Variants in PNPLA7 observed in about 807,000 individuals in gnomAD.
PNPLA7 encodes the protein patatin like domain 7, lysophospholipase, also known as patatin-like phospholipase domain-containing protein 7.
Under a neutral mutation model 161.7 loss-of-function variants are expected in PNPLA7, and 153 were observed. The ratio of observed to expected loss-of-function variants is 0.95; its 90% CI spans 0.83 to 1.08. The LOEUF (loss-of-function observed/expected upper bound fraction) is 1.08, where lower values mean the gene tolerates loss of function less well. Ranked by LOEUF, PNPLA7 falls within the 50% of genes least tolerant of loss-of-function variation. PNPLA7 has a pLI of 0.00. For missense variants in PNPLA7, 1,739 were observed against 1,856.6 expected (o/e 0.94, Z 1.16); for synonymous variants, 809 against 782.1 (o/e 1.03, Z -0.57).
Position 137,515,435 on chromosome 9 carries a change from A to G in PNPLA7, c.1169T>C (p.Ile390Thr). The part of the protein sequence containing the change: ...SVPAPSIRKQ[I>T]LEELEKPGAG... Reference sequence around the variant, plus strand: ...CCCGGGCTTCTCCAGCTCCTCCAAGATCTGTTTGCGAATGGAAGGCGCGGG... The same window carrying G: ...CCCGGGCTTCTCCAGCTCCTCCAAGGTCTGTTTGCGAATGGAAGGCGCGGG... The change falls in exon 12 of 35, where the codon ATC (isoleucine) becomes ACC (threonine). Residue 390 changes from isoleucine to threonine, a missense_variant. Physicochemically the swap from Ile to Thr is moderately conservative, Grantham distance 89 (BLOSUM62 -1). This residue lies in a region of PNPLA7 where 481 missense variants were observed against 450.0 expected (regional missense o/e 1.07). Coordinates refer to ENST00000406427, the MANE Select transcript of PNPLA7 (RefSeq NM_001098537.3). 6.2e-7 allele frequency: 1 copy of G among 1,603,340 alleles called. No individual in the cohort carries two copies.
intron 21 of PNPLA7, among the ~76,000 whole-genome samples, chr9:137,483,557 C>T (rs780453360): frequency 5.3e-5 from 8 of 151,928 alleles, no homozygotes; most frequent in Admixed American, 1.3e-4. Context: ...TGGGTTCAAG[C>T]GATTCTCCTG....
chr9:137,478,676 G>A (rs1169107676), intron 24 of PNPLA7: 1 of 191,966 alleles, frequency 5.2e-6, no homozygotes, highest in African/African-American at 2.3e-5. Flanking sequence ...TCAGCTGGAT[G>A]TGGGGGCCTC....
At position 137,541,843 on chromosome 9, in the gene PNPLA7, G is replaced by A. The variant is rs770640399; in HGVS notation, c.666+799C>T. ...GTCGCCCAGGCTGGAGTGCAGTGGC[G>A]TGAACACAGCTCACTATAGCCGCAA... On this transcript the variant is annotated intron_variant, in intron 7 of 34. Coordinates refer to ENST00000406427, the MANE Select transcript of PNPLA7 (RefSeq NM_001098537.3). The surrounding 1 kb of genome is among the most constrained non-coding windows in gnomAD (Gnocchi z 4.4). 2.0e-5 allele frequency among the ~76,000 whole-genome samples: 3 copies of A among 151,812 alleles called. No individual in the cohort carries two copies. The highest frequency in any genetic ancestry group is 2.9e-5 in the Non-Finnish European group (2 of 67,976).
At chr9:137,546,996 T>C in intron 3 of PNPLA7, 87 bp from the exon 4 acceptor site, 1 of 1,293,966 alleles carries the variant, frequency 7.7e-7, no homozygotes, top group South Asian at 1.2e-5. Flanking sequence ...TCAGTCATAC[T>C]CTCGTCCCTG....
At chr9:137,534,851 A>G (rs779657107) in intron 8 of PNPLA7, among the ~76,000 whole-genome samples, 1 of 152,060 alleles carries the variant, frequency 6.6e-6, no homozygotes, top group Non-Finnish European at 1.5e-5. Flanking sequence ...GGCAACCACT[A>G]ATGAGACCTT....
intron 16 of PNPLA7, 34 bp from the exon 17 acceptor site, chr9:137,498,279 C>G: frequency 6.2e-7 from 1 of 1,603,804 alleles, no homozygotes; most frequent in Non-Finnish European, 8.5e-7. Flanking sequence ...CCTGCCCCAT[C>G]CCTCCAACCC....
chr9:137,508,113 A>C (rs1038431777), intron 12 of PNPLA7, among the ~76,000 whole-genome samples: 5 of 151,536 alleles, frequency 3.3e-5, no homozygotes, highest in Admixed American at 2.6e-4. Flanking sequence ...GGATCACTTG[A>C]GCCCTCATGG....
chr9:137,484,457 C>G (rs1832365258), intron 21 of PNPLA7, 130 bp downstream of exon 21: 3 of 1,048,108 alleles, frequency 2.9e-6, no homozygotes, highest in Non-Finnish European at 3.9e-6. Context: ...GAAACACTAC[C>G]GAACACTGAC....
intron 8 of PNPLA7, among the ~76,000 whole-genome samples, chr9:137,528,454 G>C (rs889238015): frequency 6.6e-6 from 1 of 151,590 alleles, no homozygotes; most frequent in African/African-American, 2.4e-5. Flanking sequence ...GATAATTTTT[G>C]TATTTTTAGT....
rs1313142240 is a variant in PNPLA7, at chr9:137,495,143, C to G, written c.2017G>C (p.Glu673Gln). ...YGRGDLVGVV[E>Q]TLTHQARATT... ...GCCCGGGCCTGGTGGGTCAGTGTCT[C>G]CACCTGAGGACAGGAGCCGGCTGCT... Residue 673 changes from glutamate (E) to glutamine (Q), a missense_variant, in exon 19 of 35, where the codon GAG becomes CAG. Transcript: ENST00000406427. 1.9e-6 allele frequency: 3 copies of G among 1,596,810 alleles called. No individual in the cohort carries two copies. The highest frequency in any genetic ancestry group is 3.3e-5 in the Admixed American group (2 of 59,774).
intron 7 of PNPLA7, among the ~76,000 whole-genome samples, chr9:137,542,209 C>T (rs552531600): frequency 4.9e-4 from 75 of 152,334 alleles, no homozygotes; most frequent in African/African-American, 1.8e-3. Context: ...TGCCTCATGC[C>T]TGTAATTCCA....
At position 137,490,406 on chromosome 9, in the gene PNPLA7, G is replaced by C. The variant is rs564758195; in HGVS notation, c.2197+2607C>G. Among the ~76,000 whole-genome samples, 2 of 152,174 alleles carry C rather than the reference G, an allele frequency of 1.3e-5. No individual in the cohort carries two copies. The highest frequency in any genetic ancestry group is 2.4e-5 in the African/African-American group (1 of 41,414). ...CACTGTGCCTGGTCAAAACATTCTT[G>C]AACACAGCTAGAGAGAAATGATGCG... On this transcript the variant is annotated intron_variant, in intron 20 of 34. Coordinates refer to ENST00000406427, the MANE Select transcript of PNPLA7 (RefSeq NM_001098537.3). This position sits in a 1 kb window ranked among gnomAD's most constrained non-coding sequence, Gnocchi z 4.1.
chr9:137,484,807 C>A (rs117995682), intron 20 of PNPLA7, 71 bp from the exon 21 acceptor site: 2 of 1,474,900 alleles, frequency 1.4e-6, no homozygotes, highest in East Asian at 5.0e-5. Flanking sequence ...TGCCCTGGGG[C>A]CCCCCGAGGC....
In PNPLA7 at chr9:137,543,380, GC is replaced by G; in HGVS notation, c.506+51del. 1.2e-6 allele frequency: 2 copies of G among 1,610,528 alleles called. No homozygotes were observed. Among genetic ancestry groups the G allele is most frequent in the South Asian group, 1.1e-5 (1 of 90,848 alleles). On this transcript the variant is annotated intron_variant, in intron 6 of 34. Coordinates refer to ENST00000406427, the MANE Select transcript of PNPLA7 (RefSeq NM_001098537.3). The surrounding 1 kb of genome is among the most constrained non-coding windows in gnomAD (Gnocchi z 6.9). The stretch of plus-strand genomic sequence containing the variant: ...AGCTGGAGCCAGGCCCCAGCGAGAA[GC>G]CCGGGGCTATGGGAGCTGCCGCAGC...
chr9:137,506,148 G>C (rs1392911670), intron 12 of PNPLA7, 65 bp from the exon 13 acceptor site: 5 of 1,386,232 alleles, frequency 3.6e-6, no homozygotes, highest in South Asian at 1.2e-5. Context: ...TCCGCGGTGT[G>C]GGCTGAGCAC....
chr9:137,512,805 C>CAA (rs879862498), intron 12 of PNPLA7, among the ~76,000 whole-genome samples: 29 of 139,228 alleles, frequency 2.1e-4, no homozygotes, highest in Non-Finnish European at 2.7e-4. Context: ...AAAGAAAATA[C>CAA]AAAAAAAAAA....
chr9:137,541,536 G>A lies in PNPLA7; in HGVS notation c.667-814C>T. 1.0e-6 allele frequency: 1 copy of A among 977,434 alleles called. No homozygotes were observed. The highest frequency in any genetic ancestry group is 4.7e-5 in the South Asian group (1 of 21,126). 60.5% of individuals were successfully genotyped at this position (977,434 alleles called of 1,614,324 possible). On this transcript the variant is annotated intron_variant, in intron 7 of 34. Coordinates refer to ENST00000406427, the MANE Select transcript of PNPLA7 (RefSeq NM_001098537.3). This position sits in a 1 kb window ranked among gnomAD's most constrained non-coding sequence, Gnocchi z 4.4. ...ACCACAGCTGGCAGGAGCCCTGCAG[G>A]TCAGGGTGATGATCACACAAAGCCC...
chr9:137,463,642 G>A (rs1050892813), intron 28 of PNPLA7, 111 bp from the exon 29 acceptor site: 16 of 757,162 alleles, frequency 2.1e-5, no homozygotes, highest in Non-Finnish European at 3.4e-5. Context: ...ACTCTCTGAG[G>A]CCGCCTCCAC....
chr9:137,546,846 C>T lies in PNPLA7; in HGVS notation c.257G>A (p.Arg86Gln), dbSNP rs777428356. The change falls in exon 4 of 35, where the codon CGG becomes CAG. Residue 86 changes from arginine (R) to glutamine (Q), a missense_variant. By Grantham distance (43) the Arg-to-Gln change is conservative. Around this residue, in one of 6 missense-constraint regions of PNPLA7, gnomAD observed 209 missense variants for 252.8 expected, o/e 0.83. Coordinates refer to ENST00000406427, the MANE Select transcript of PNPLA7 (RefSeq NM_001098537.3). ...RKRDKVMFYG[R>Q]KIMRKVTTLP... ...AACAGCTACCTTCCTCATGATCTTC[C>T]GGCCGTAAAACATCACTTTGTCTCT... The T allele has an allele frequency of 2.7e-5, 43 of 1,613,772 alleles. No homozygotes were observed. Among genetic ancestry groups the T allele is most frequent in the East Asian group, 2.5e-4 (11 of 44,894 alleles).
Sources: allele counts gnomAD v4.1 joint callset (sites outside exome capture counted in the v4.1 genomes callset), GRCh38; gene constraint gnomAD v4.1.1; regional missense constraint gnomAD v4.1.1; non-coding constraint Gnocchi (gnomAD v3.1); transcripts MANE v1.5; gene names NCBI Gene and HGNC (gene_info 2026-07-23, HGNC 2026-07-21).